GOLGA1: variants seen among roughly 807,000 people sequenced by gnomAD.
GOLGA1 encodes the protein golgin A1.
In GOLGA1, 63 loss-of-function variants were observed where a neutral mutation model predicts 119.7. The ratio of observed to expected loss-of-function variants is 0.53; its 90% CI spans 0.43 to 0.65. The LOEUF is 0.65. Ranked by LOEUF, GOLGA1 falls within the 30% of genes least tolerant of loss-of-function variation. GOLGA1 has a pLI of 0.00. For synonymous variants in GOLGA1, 318 were observed against 333.4 expected, an observed-to-expected ratio of 0.95 and a Z score of 0.50; for missense variants, 798 against 912.8, an observed-to-expected ratio of 0.87 and a Z score of 1.62.
chr9:124,913,387 G>A (rs1005814618), intron 10 of GOLGA1, among the ~76,000 whole-genome samples: 2 of 152,110 alleles, frequency 1.3e-5, no homozygotes, highest in Non-Finnish European at 2.9e-5. Flanking sequence ...AGGTTGTAGG[G>A]CAACAAAATC....
chr9:124,919,360 A>G (rs1267211879), intron 10 of GOLGA1, among the ~76,000 whole-genome samples: 1 of 152,238 alleles, frequency 6.6e-6, no homozygotes, highest in Non-Finnish European at 1.5e-5. Flanking sequence ...TTTGAGTTCT[A>G]TAATGAAACT....
intron 2 of GOLGA1, among the ~76,000 whole-genome samples, chr9:124,939,571 T>TTTTTTTTTTTTTTTTTTTTTTTTTC (rs1830957440): frequency 7.4e-6 from 1 of 136,030 alleles, no homozygotes; most frequent in Non-Finnish European, 1.6e-5. Flanking sequence ...TTTTTTTTTT[T>TTTTTTTTTTTTTTTTTTTTTTTTTC]TTTTTTTTGA....
intron 12 of GOLGA1, among the ~76,000 whole-genome samples, chr9:124,903,760 A>G (rs2131423639): frequency 6.6e-6 from 1 of 152,268 alleles, no homozygotes; most frequent in East Asian, 1.9e-4. Flanking sequence ...TCAGTCTTAA[A>G]AAGGAATAGG....
intron 9 of GOLGA1, 145 bp downstream of exon 9, chr9:124,921,578 C>A: frequency 1.4e-6 from 1 of 719,206 alleles, no homozygotes. Context: ...AGGCCTGAGT[C>A]CTAGGCAGGT....
intron 19 of GOLGA1, among the ~76,000 whole-genome samples, chr9:124,886,908 G>A (rs1355477086): frequency 6.6e-6 from 1 of 152,082 alleles, no homozygotes; most frequent in Non-Finnish European, 1.5e-5. Flanking sequence ...GTGGGGTTGC[G>A]GGGAACACTG....
chr9:124,894,751 C>T (rs775520399), intron 15 of GOLGA1, among the ~76,000 whole-genome samples: 1 of 152,182 alleles, frequency 6.6e-6, no homozygotes, highest in Non-Finnish European at 1.5e-5. Flanking sequence ...CCCCACAAGA[C>T]ATTTGGCAAT....
chr9:124,898,960 C>A (rs1165234741), intron 14 of GOLGA1, among the ~76,000 whole-genome samples: 3 of 152,088 alleles, frequency 2.0e-5, no homozygotes, highest in African/African-American at 7.2e-5. Context: ...CTTTGGGAGG[C>A]TGAGGTGGGC....
chr9:124,908,370 T>A lies in GOLGA1; in HGVS notation c.1065+7A>T. 6.7e-7 allele frequency: 1 copy of A among 1,501,122 alleles called. No individual in the cohort carries two copies. The highest frequency in any genetic ancestry group is 9.3e-7 in the Non-Finnish European group (1 of 1,076,844). 93.0% of individuals were successfully genotyped at this position (1,501,122 alleles called of 1,614,324 possible). Reference sequence around the variant, plus strand: ...AACTTAGGAAACACCAGGAGTAAGGTCAGTACCCGAGTCTCCAGGGTGTTA... The same window carrying A: ...AACTTAGGAAACACCAGGAGTAAGGACAGTACCCGAGTCTCCAGGGTGTTA... On this transcript the variant is annotated splice_region_variant and intron_variant, in intron 12 of 22. Coordinates refer to ENST00000373555, the MANE Select transcript of GOLGA1 (RefSeq NM_002077.4).
At chr9:124,926,775 G>C in intron 6 of GOLGA1, 34 bp from the exon 7 acceptor site, 1 of 1,326,528 alleles carries the variant, frequency 7.5e-7, no homozygotes, top group Non-Finnish European at 1.1e-6. Flanking sequence ...ATGGTTTCCA[G>C]TGAAGAGTAT....
chr9:124,940,430 G>A lies in GOLGA1; in HGVS notation c.-205-275C>T, dbSNP rs533293616. The stretch of plus-strand genomic sequence containing the variant: ...AAATTCACTTCTCCCTGGGAGCCCT[G>A]AGCAAAACAATTTGAATGAGGTTAA... On this transcript the variant is annotated intron_variant, in intron 1 of 22. Coordinates refer to ENST00000373555, the MANE Select transcript of GOLGA1 (RefSeq NM_002077.4). Among the ~76,000 whole-genome samples, 31 of 152,296 alleles carry A rather than the reference G, an allele frequency of 2.0e-4. 1 individual carries two copies. The highest frequency in any genetic ancestry group is 1.6e-3 in the Admixed American group (25 of 15,300).
chr9:124,900,269 C>CG (rs1471552490), intron 13 of GOLGA1, 183 bp downstream of exon 13: 7 of 439,166 alleles, frequency 1.6e-5, no homozygotes, highest in Non-Finnish European at 2.5e-5. Context: ...AACTCAGGCC[C>CG]ACCATTAGGT....
intron 15 of GOLGA1, among the ~76,000 whole-genome samples, chr9:124,891,222 G>C (rs636021): frequency 0.37 from 56,704 of 152,116 alleles, 11,260 homozygotes; most frequent in East Asian, 0.59. Flanking sequence ...ACTGTGGGAG[G>C]TGGGGTTGAC....
intron 2 of GOLGA1, among the ~76,000 whole-genome samples, chr9:124,939,608 G>A (rs907413243): frequency 2.5e-4 from 31 of 124,152 alleles, no homozygotes; most frequent in African/African-American, 9.7e-4. Context: ...TGTTGCCTAA[G>A]CTGGAATGCA....
At position 124,890,421 on chromosome 9, in the gene GOLGA1, C is replaced by A; in HGVS notation, c.1465G>T (p.Val489Leu). 6.2e-7 allele frequency: 1 copy of A among 1,613,782 alleles called. No homozygotes were observed. Among genetic ancestry groups the A allele is most frequent in the Non-Finnish European group, 8.5e-7 (1 of 1,179,664 alleles). Residue 489 changes from valine to leucine, a missense_variant, in exon 16 of 23, where the codon GTG (valine) becomes TTG (leucine). Physicochemically the swap from Val to Leu is conservative, Grantham distance 32 (BLOSUM62 1). Transcript: ENST00000373555. The stretch of plus-strand genomic sequence containing the variant: ...TGGAACTCTTCCCTTTGCTTCCGCA[C>A]CTCCTCCAGGGCTTGAGCCATGGCC... ...SVAMAQALEE[V>L]RKQREEFQQQ...
At chr9:124,882,712 A>G in intron 19 of GOLGA1, 143 bp from the exon 20 acceptor site, 1 of 675,056 alleles carries the variant, frequency 1.5e-6, no homozygotes, top group Non-Finnish European at 2.6e-6. Flanking sequence ...GCTGGTGCTC[A>G]GCTGTCGCAT....
rs1012667406 is a variant in GOLGA1, at chr9:124,881,519, G to C, written c.2137-262C>G. Among the ~76,000 whole-genome samples, 1 of 152,140 alleles carries C rather than the reference G, an allele frequency of 6.6e-6. No homozygotes were observed. The highest frequency in any genetic ancestry group is 1.5e-5 in the Non-Finnish European group (1 of 68,022). On this transcript the variant is annotated intron_variant, in intron 21 of 22. Coordinates refer to ENST00000373555, the MANE Select transcript of GOLGA1 (RefSeq NM_002077.4). This position sits in a 1 kb window ranked among gnomAD's most constrained non-coding sequence, Gnocchi z 4.9. ...GGAGCGATGGGTGGATTCCGTTCCC[G>C]GCTTCCGGCCTCTGGCCTCAGCACC... is the stretch of plus-strand genomic sequence containing the variant.
intron 19 of GOLGA1, among the ~76,000 whole-genome samples, chr9:124,885,322 C>A (rs1418654908): frequency 8.5e-5 from 12 of 141,916 alleles, no homozygotes; most frequent in African/African-American, 2.6e-5. Context: ...GACTCCATCT[C>A]AAAAAAAAAA....
At chr9:124,916,652 T>C (rs72763392) in intron 10 of GOLGA1, among the ~76,000 whole-genome samples, 15,560 of 151,958 alleles carry the variant, frequency 0.1, 1,068 homozygotes, top group South Asian at 0.15. Flanking sequence ...GGCAGGAGGA[T>C]TGCTTGTGTC....
At chr9:124,895,932 A>G (rs984589083) in intron 15 of GOLGA1, among the ~76,000 whole-genome samples, 9 of 148,854 alleles carry the variant, frequency 6.0e-5, no homozygotes, top group African/African-American at 2.2e-4. Context: ...GAGACCCTCC[A>G]CAACAGAGAC....
Sources: gnomAD v4.1 joint callset for allele counts (sites outside exome capture counted in the v4.1 genomes callset) on GRCh38, gnomAD v4.1.1 for gene constraint, Gnocchi (gnomAD v3.1) non-coding constraint, MANE v1.5 for transcripts, NCBI Gene and HGNC (gene_info 2026-07-23, HGNC 2026-07-21) for gene names.